The following ZBTB11 variants were observed in gnomAD, a reference collection of about 807,000 sequenced individuals.
The protein encoded by ZBTB11 is zinc finger and BTB domain-containing protein 11.
A neutral mutation model predicts 113.1 loss-of-function variants in ZBTB11; 68 were observed. The observed-to-expected ratio is 0.60, with a 90% CI of 0.49 to 0.74. The LOEUF (loss-of-function observed/expected upper bound fraction) is 0.74, where lower values mean the gene tolerates loss of function less well. Ranked by LOEUF, ZBTB11 falls within the 30% of genes least tolerant of loss-of-function variation. The pLI, the probability that ZBTB11 is intolerant of heterozygous loss-of-function variation, is 0.00. For synonymous variants in ZBTB11, 518 were observed against 452.6 expected (o/e 1.14, Z -1.83); for missense variants, 1,104 against 1,279.4 (o/e 0.86, Z 2.09).
At chr3:101,661,138 A>G (rs1936879714) in intron 5 of ZBTB11, among the ~76,000 whole-genome samples, 2 of 151,754 alleles carry the variant, frequency 1.3e-5, no homozygotes, top group Admixed American at 6.6e-5. Context: ...GGAGGCTAAG[A>G]CAGGAGGATC....
chr3:101,676,789 C>A lies in ZBTB11; in HGVS notation c.126G>T (p.Val42=). 1 of 1,611,736 alleles carries A rather than the reference C, an allele frequency of 6.2e-7. No individual in the cohort carries two copies. ...KIRKAAACYV[V]RGGTLYYQRR... The stretch of plus-strand genomic sequence containing the variant: ...GCTGGTAATACAGAGTCCCGCCGCG[C>A]ACCACGTAGCAGGCGGCAGCTTTTC... Residue 42 remains valine (V), a synonymous_variant, in exon 1 of 11, where the codon GTG becomes GTT. Coordinates refer to ENST00000312938, the MANE Select transcript of ZBTB11 (RefSeq NM_014415.4).
rs1936981619 is a variant in ZBTB11, at chr3:101,665,521, T to C, written c.1066A>G (p.Thr356Ala). The change falls in exon 4 of 11, where the codon ACT (threonine) becomes GCT (alanine). Residue 356 changes from threonine to alanine, a missense_variant. Physicochemically the swap from Thr to Ala is moderately conservative, Grantham distance 58. Coordinates refer to ENST00000312938, the MANE Select transcript of ZBTB11 (RefSeq NM_014415.4). ...SSEGTTTSLPTELGDCEIVLL... is the reference protein window; with the variant it reads ...SSEGTTTSLPAELGDCEIVLL... ...ACAATTTCACAATCCCCAAGTTCAG[T>C]AGGTAAACTTGTTGTGGTTCCCTCA... 1.9e-6 allele frequency: 3 copies of C among 1,614,194 alleles called. No individual in the cohort carries two copies. The highest frequency in any genetic ancestry group is 1.1e-5 in the South Asian group (1 of 91,082).
chr3:101,651,294 A>G lies in ZBTB11; in HGVS notation c.3034T>C (p.Ser1012Pro). The change falls in exon 11 of 11, where the codon TCT (serine) becomes CCT (proline). Residue 1012 changes from serine (S) to proline (P), a missense_variant. Ser to Pro is a moderately conservative substitution (Grantham distance 74). Transcript: ENST00000312938. ...TEEYPSVSTLSDQSIMQVVNY... is the reference protein window; with the variant it reads ...TEEYPSVSTLPDQSIMQVVNY... Reference sequence around the variant, plus strand: ...ACCACTTGCATAATACTTTGGTCAGAAAGTGTAGATACCGATGGATACTCT... The same window carrying G: ...ACCACTTGCATAATACTTTGGTCAGGAAGTGTAGATACCGATGGATACTCT... 3 of 1,614,240 alleles carry G rather than the reference A, an allele frequency of 1.9e-6. No individual in the cohort carries two copies. The highest frequency in any genetic ancestry group is 2.5e-6 in the Non-Finnish European group (3 of 1,180,048).
rs564096262 is a variant in ZBTB11, at chr3:101,659,925, T to G, written c.1904A>C (p.Asn635Thr). Residue 635 changes from asparagine to threonine, a missense_variant, in exon 6 of 11, where the codon AAT becomes ACT. Coordinates refer to ENST00000312938, the MANE Select transcript of ZBTB11 (RefSeq NM_014415.4). ...PSSSSSNSTS[N>T]EASGTSSEKG... The stretch of plus-strand genomic sequence containing the variant: ...CTCAGATGATGTTCCCGATGCTTCA[T>G]TAGACGTGGAATTGGACGAGGATGA... The G allele has an allele frequency of 3.1e-6, 5 of 1,614,092 alleles. No homozygotes were observed. Among genetic ancestry groups the G allele is most frequent in the Non-Finnish European group, 2.5e-6 (3 of 1,180,046 alleles).
At chr3:101,664,862 AT>A in intron 4 of ZBTB11, 101 bp downstream of exon 4, 1 of 1,496,776 alleles carries the variant, frequency 6.7e-7, no homozygotes, top group Non-Finnish European at 9.0e-7. Context: ...CCTTGTACCC[AT>A]CTCACCTCCC....
intron 6 of ZBTB11, 97 bp from the exon 7 acceptor site, chr3:101,656,345 A>T: frequency 1.4e-6 from 1 of 709,042 alleles, no homozygotes; most frequent in Non-Finnish European, 1.9e-6. Context: ...TTTTAAATAA[A>T]TATTTAAATT....
chr3:101,664,393 G>T, intron 5 of ZBTB11, 145 bp downstream of exon 5: 1 of 731,390 alleles, frequency 1.4e-6, no homozygotes, highest in Non-Finnish European at 2.0e-6. Context: ...TGGGAGGCAA[G>T]TAAATGACAT....
intron 3 of ZBTB11, among the ~76,000 whole-genome samples, chr3:101,666,177 C>A (rs1002260039): frequency 6.6e-6 from 1 of 152,280 alleles, no homozygotes; most frequent in South Asian, 2.1e-4. Context: ...AGGGTTCAAC[C>A]AACCTGTCCC....
chr3:101,657,033 C>T (rs1415989848), intron 6 of ZBTB11, among the ~76,000 whole-genome samples: 1 of 148,174 alleles, frequency 6.7e-6, no homozygotes, highest in Non-Finnish European at 1.5e-5. Context: ...CCCAACTACT[C>T]GGGAGGCTGA....
Position 101,651,352 on chromosome 3 carries a change from A to C in ZBTB11, c.2976T>G (p.Thr992=). 1 of 1,613,988 alleles carries C rather than the reference A, an allele frequency of 6.2e-7. No homozygotes were observed. Among genetic ancestry groups the C allele is most frequent in the Non-Finnish European group, 8.5e-7 (1 of 1,179,952 alleles). ...CTGCAACAGCTTCCAGAGCTTCCAT[A>C]GTTTCTCCTGTCACTACCACAGTCT... ...ELETVVVTGE[T]MEALEAVAAT... Residue 992 remains threonine, a synonymous_variant, in exon 11 of 11, where the codon ACT becomes ACG. Coordinates refer to ENST00000312938, the MANE Select transcript of ZBTB11 (RefSeq NM_014415.4).
Position 101,665,627 on chromosome 3 carries a change from C to T in ZBTB11, c.960G>A (p.Lys320=), listed in dbSNP as rs202002082. 1.1e-5 allele frequency: 18 copies of T among 1,614,218 alleles called. No individual in the cohort carries two copies. The highest frequency in any genetic ancestry group is 1.5e-5 in the Non-Finnish European group (18 of 1,180,040). Reference sequence around the variant, plus strand: ...ATGCAACTGTTTGTACTTCGCCCTTCTTATATACTGTTAGCTGCTTCTCTT... The same window carrying T: ...ATGCAACTGTTTGTACTTCGCCCTTTTTATATACTGTTAGCTGCTTCTCTT... The part of the protein sequence containing the change: ...LMEEKQLTVY[K]KGEVQTVAST... Residue 320 remains lysine, a synonymous_variant, in exon 4 of 11, where the codon AAG becomes AAA. Transcript: ENST00000312938.
intron 6 of ZBTB11, among the ~76,000 whole-genome samples, chr3:101,659,250 A>C (rs1045231170): frequency 6.6e-6 from 1 of 151,880 alleles, no homozygotes; most frequent in Non-Finnish European, 1.5e-5. Context: ...CAAAACAGAC[A>C]AAAAAACCCA....
chr3:101,655,248 T>C (rs1936776041), intron 7 of ZBTB11, among the ~76,000 whole-genome samples: 1 of 152,224 alleles, frequency 6.6e-6, no homozygotes, highest in African/African-American at 2.4e-5. Context: ...CTATAACATT[T>C]GGCAGACATC....
chr3:101,652,872 C>T lies in ZBTB11; in HGVS notation c.2376G>A (p.Lys792=). 1.2e-6 allele frequency: 2 copies of T among 1,614,082 alleles called. No homozygotes were observed. Among genetic ancestry groups the T allele is most frequent in the Non-Finnish European group, 1.7e-6 (2 of 1,179,988 alleles). ...RQHMNKHLGV[K]PFQCQFCDKC... is the part of the protein sequence containing the mutation. ...TATCACAAAATTGGCACTGGAATGG[C>T]TTCACACCAAGATGTTTGTTCATGT... The change falls in exon 9 of 11, where the codon AAG becomes AAA. Residue 792 remains lysine, a synonymous_variant. Transcript: ENST00000312938.
rs1224261049 is a variant in ZBTB11, at chr3:101,650,322, T to C, written c.*844A>G. The C allele has an allele frequency of 6.6e-6, 1 of 152,586 alleles. No homozygotes were observed. Among genetic ancestry groups the C allele is most frequent in the East Asian group, 1.9e-4 (1 of 5,188 alleles). The allele number at this position is 152,586 out of a possible 1,614,324, so 9.5% of individuals were successfully genotyped here. A position where few individuals can be genotyped will look rare whatever the true frequency, so the allele number is the denominator to read the frequency against. On this transcript the variant is annotated 3_prime_UTR_variant, in exon 11 of 11. Coordinates refer to ENST00000312938, the MANE Select transcript of ZBTB11 (RefSeq NM_014415.4). ...TGTTTGTTCATTAACTTGTTCATTCTTTGCAAATAATGAGAATTTTTTTTT... is the reference window on the plus strand; with the variant it reads ...TGTTTGTTCATTAACTTGTTCATTCCTTGCAAATAATGAGAATTTTTTTTT...
chr3:101,672,787 G>T (rs1429775104), intron 1 of ZBTB11, among the ~76,000 whole-genome samples: 1 of 152,172 alleles, frequency 6.6e-6, no homozygotes, highest in African/African-American at 2.4e-5. Context: ...GTGACATTAG[G>T]CTTGACCGTG....
intron 5 of ZBTB11, 80 bp downstream of exon 5, chr3:101,664,458 C>T (rs1032880391): frequency 1.7e-5 from 24 of 1,376,178 alleles, no homozygotes; most frequent in East Asian, 1.2e-4. Flanking sequence ...AGAATACAAG[C>T]GAAAAGATAA....
At position 101,650,068 on chromosome 3, in the gene ZBTB11, AT is replaced by A. The variant is rs1354922402; in HGVS notation, c.*1097del. On this transcript the variant is annotated 3_prime_UTR_variant, in exon 11 of 11. Transcript: ENST00000312938. ...AACTTAGTTTTCATAACCTTTAAAA[AT>A]AATTTATCTTCAACAATTTAGTGGA... 2 of 152,468 alleles carry A rather than the reference AT, an allele frequency of 1.3e-5. No individual in the cohort carries two copies. Among genetic ancestry groups the A allele is most frequent in the African/African-American group, 4.8e-5 (2 of 41,458 alleles). The allele number at this position is 152,468 out of a possible 1,614,324, so 9.4% of individuals were successfully genotyped here. A position where few individuals can be genotyped will look rare whatever the true frequency, so the allele number is the denominator to read the frequency against.
rs369367946 is a variant in ZBTB11, at chr3:101,652,530, T to C, written c.2610A>G (p.Leu870=). The C allele has an allele frequency of 1.5e-4, 237 of 1,614,064 alleles. No individual in the cohort carries two copies. The highest frequency in any genetic ancestry group is 1.9e-4 in the Non-Finnish European group (224 of 1,180,022). ...CEKCGRKFTQ[L]REYRRHMNNH... ...TGTTCATGTGTCTCCTATACTCTCT[T>C]AGCTGAGTGAATTTTCTTCCACATT... Residue 870 remains leucine (L), a synonymous_variant, in exon 10 of 11, where the codon CTA becomes CTG. Transcript: ENST00000312938.
Sources: gnomAD v4.1 joint callset for allele counts (sites outside exome capture counted in the v4.1 genomes callset) on GRCh38, gnomAD v4.1.1 for gene constraint, MANE v1.5 for transcripts, NCBI Gene and HGNC (gene_info 2026-07-23, HGNC 2026-07-21) for gene names.